The following TENM2 variants were observed in gnomAD, a reference collection of about 807,000 sequenced individuals.
TENM2 encodes teneurin-2.
Under a neutral mutation model 245.2 loss-of-function variants are expected in TENM2, and 52 were observed. The ratio of observed to expected loss-of-function variants is 0.21; its 90% CI spans 0.17 to 0.27. The LOEUF is 0.27. TENM2 is among the 10% of genes least tolerant of loss of function. TENM2 has a pLI of 1.00. For synonymous variants in TENM2, 1,363 were observed against 1,438.9 expected, an observed-to-expected ratio of 0.95 and a Z score of 1.19; for missense variants, 3,046 against 3,666.8, an observed-to-expected ratio of 0.83 and a Z score of 4.37.
chr5:167,001,965 C>T, the TENM2 span, among the ~76,000 whole-genome samples: 41 of 152,124 alleles, frequency 2.7e-4, no homozygotes, highest in Non-Finnish European at 5.4e-4. Flanking sequence ...TGATTTAATT[C>T]ATATCATATA....
At chr5:167,809,240 C>T (rs1460176631) in intron 2 of TENM2, among the ~76,000 whole-genome samples, 1 of 152,142 alleles carries the variant, frequency 6.6e-6, no homozygotes, top group Non-Finnish European at 1.5e-5. Context: ...CTTTTTCATG[C>T]CCCTTTTACA....
chr5:167,795,857 G>A (rs1765279518), intron 2 of TENM2, among the ~76,000 whole-genome samples: 1 of 152,162 alleles, frequency 6.6e-6, no homozygotes, highest in Non-Finnish European at 1.5e-5. Context: ...AAGACTTCGA[G>A]GCAATGTGCA....
At chr5:167,299,978 G>A (rs965718484) in intron 1 of TENM2, among the ~76,000 whole-genome samples, 18 of 152,140 alleles carry the variant, frequency 1.2e-4, no homozygotes, top group Admixed American at 1.1e-3. Context: ...GATTTTTAGG[G>A]CCTTTAAAAG....
chr5:167,408,861 T>C lies in TENM2; in HGVS notation c.502+33388T>C, dbSNP rs952357851. Among the ~76,000 whole-genome samples, 10 of 150,422 alleles carry C rather than the reference T, an allele frequency of 6.6e-5. No individual in the cohort carries two copies. The East Asian group carries it at 2.0e-3, about 29-fold the overall frequency. Reference sequence around the variant, plus strand: ...TCTAATATATATATGACAGAGTATCTTACATATGGCATAGCATTTTATTAT... The same window carrying C: ...TCTAATATATATATGACAGAGTATCCTACATATGGCATAGCATTTTATTAT... On this transcript the variant is annotated intron_variant, in intron 2 of 28. Coordinates refer to ENST00000518659, the Ensembl canonical transcript of TENM2.
At chr5:167,066,958 T>C in the TENM2 span, among the ~76,000 whole-genome samples, 2 of 152,206 alleles carry the variant, frequency 1.3e-5, no homozygotes, top group Admixed American at 1.3e-4. Flanking sequence ...CTATTTTATA[T>C]ACTTTAGCAA....
chr5:168,152,497 C>A (rs1337621110), intron 12 of TENM2, among the ~76,000 whole-genome samples: 2 of 152,146 alleles, frequency 1.3e-5, no homozygotes, highest in Non-Finnish European at 2.9e-5. Flanking sequence ...ATTTTTATGA[C>A]CCTCCTGTGG....
At chr5:167,451,277 C>G (rs1015626449) in intron 2 of TENM2, among the ~76,000 whole-genome samples, 5 of 152,118 alleles carry the variant, frequency 3.3e-5, no homozygotes, top group African/African-American at 9.7e-5. Context: ...TCAGAAGGAG[C>G]CTGTAATGAG....
the TENM2 span, among the ~76,000 whole-genome samples, chr5:167,199,097 T>TAAAA: frequency 8.0e-4 from 63 of 79,222 alleles, no homozygotes; most frequent in East Asian, 2.2e-3. Context: ...TGATATGAAG[T>TAAAA]AAAAAAAAAA....
At chr5:167,296,392 C>T (rs1023619330) in intron 1 of TENM2, 6 of 152,092 alleles carry the variant, frequency 3.9e-5, no homozygotes, top group Non-Finnish European at 5.9e-5. Flanking sequence ...GATCCATGTA[C>T]GGGGAATGAA....
chr5:167,002,527 G>A, the TENM2 span, among the ~76,000 whole-genome samples: 75 of 152,058 alleles, frequency 4.9e-4, no homozygotes, highest in Middle Eastern at 3.4e-3. Flanking sequence ...TGAATAGCCC[G>A]GGTGTGGTAG....
At chr5:167,459,786 C>A (rs530045490) in intron 2 of TENM2, among the ~76,000 whole-genome samples, 4 of 152,056 alleles carry the variant, frequency 2.6e-5, no homozygotes, top group Admixed American at 2.6e-4. Context: ...ACATTGAAAA[C>A]ATAACCAATG....
Position 167,586,101 on chromosome 5 carries a change from C to T in TENM2, c.502+210628C>T, listed in dbSNP as rs994433763. Among the ~76,000 whole-genome samples, 5 of 151,890 alleles carry T rather than the reference C, an allele frequency of 3.3e-5. No individual in the cohort carries two copies. The South Asian group carries it at 1.0e-3, about 32-fold the overall frequency. On this transcript the variant is annotated intron_variant, in intron 2 of 28. Transcript: ENST00000518659. Reference sequence around the variant, plus strand: ...CTACACTCCAGCCTGGGTGACAGAGCGAGACTGTCTCAAACAAAACAAAAC... The same window carrying T: ...CTACACTCCAGCCTGGGTGACAGAGTGAGACTGTCTCAAACAAAACAAAAC...
At chr5:167,231,564 C>T in the TENM2 span, among the ~76,000 whole-genome samples, 1 of 152,118 alleles carries the variant, frequency 6.6e-6, no homozygotes. Flanking sequence ...AATTTCTAAG[C>T]AGCAAAGCAT....
chr5:168,079,953 T>A (rs531445976), intron 7 of TENM2, among the ~76,000 whole-genome samples: 25 of 152,184 alleles, frequency 1.6e-4, no homozygotes, highest in Admixed American at 1.4e-3. Flanking sequence ...ATAAAATGAG[T>A]TAGGGAGGAT....
intron 2 of TENM2, among the ~76,000 whole-genome samples, chr5:167,448,716 G>A (rs577388258): frequency 1.3e-5 from 2 of 151,562 alleles, no homozygotes; most frequent in African/African-American, 2.4e-5. Flanking sequence ...TTGCAGGAAC[G>A]TACCGAGAAA....
At chr5:167,068,220 C>A in the TENM2 span, among the ~76,000 whole-genome samples, 14 of 152,158 alleles carry the variant, frequency 9.2e-5, no homozygotes, top group Non-Finnish European at 1.9e-4. Flanking sequence ...GGTTGGCTTG[C>A]AGCTTATATT....
chr5:168,238,155 G>A (rs1562320397), intron 25 of TENM2, among the ~76,000 whole-genome samples: 1 of 80,284 alleles, frequency 1.2e-5, no homozygotes, highest in Non-Finnish European at 1.9e-5. Flanking sequence ...AAGAAAGAAA[G>A]AAAGAGAGAG....
intron 2 of TENM2, among the ~76,000 whole-genome samples, chr5:167,818,354 A>G (rs1309157101): frequency 1.3e-5 from 2 of 152,224 alleles, no homozygotes; most frequent in South Asian, 4.1e-4. Context: ...GATGTGGTTC[A>G]TGCATGTGTG....
the TENM2 span, among the ~76,000 whole-genome samples, chr5:167,140,316 C>A: frequency 4.6e-5 from 7 of 152,248 alleles, no homozygotes; most frequent in African/African-American, 1.4e-4. Flanking sequence ...CAATTGCATT[C>A]TTTCAGTTAT....
Sources: gnomAD v4.1 joint callset for allele counts (sites outside exome capture counted in the v4.1 genomes callset) on GRCh38, gnomAD v4.1.1 for gene constraint, MANE v1.5 for transcripts, NCBI Gene and HGNC (gene_info 2026-07-23, HGNC 2026-07-21) for gene names.